The following WHRN variants were observed in gnomAD, a reference collection of about 807,000 sequenced individuals.
WHRN encodes the protein whirlin, also known as CASK-interacting protein CIP98.
Under a neutral mutation model 68.3 loss-of-function variants are expected in WHRN, and 41 were observed. The observed-to-expected ratio is 0.60, with a 90% CI of 0.47 to 0.78. WHRN has a LOEUF of 0.78. Ranked by LOEUF, WHRN falls within the 30% of genes least tolerant of loss-of-function variation. The probability of loss-of-function intolerance (pLI) is 0.00; values close to 1 mark genes in which losing one functional copy is unlikely to be tolerated. For synonymous variants in WHRN, 560 were observed against 561.3 expected (o/e 1.00, Z 0.03); for missense variants, 1,243 against 1,244.7 (o/e 1.00, Z 0.02).
chr9:114,409,370 G>A (rs1011488554), intron 7 of WHRN, among the ~76,000 whole-genome samples: 1 of 152,212 alleles, frequency 6.6e-6, no homozygotes, highest in Non-Finnish European at 1.5e-5. Context: ...GCAATCGGGG[G>A]AGGGGTTACC....
intron 3 of WHRN, among the ~76,000 whole-genome samples, chr9:114,438,252 A>G (rs766163): frequency 0.19 from 28,550 of 151,928 alleles, 3,179 homozygotes; most frequent in Middle Eastern, 0.29. Flanking sequence ...TGAGTGAGAC[A>G]GATTGAGATC....
chr9:114,423,594 C>A (rs1337453642), intron 6 of WHRN, 71 bp from the exon 7 acceptor site: 2 of 1,450,224 alleles, frequency 1.4e-6, no homozygotes, highest in Non-Finnish European at 1.9e-6. Flanking sequence ...CCCTGCTACC[C>A]CCAAAGGACT....
chr9:114,432,160 G>C (rs1405531202), intron 3 of WHRN, among the ~76,000 whole-genome samples: 1 of 152,196 alleles, frequency 6.6e-6, no homozygotes. Flanking sequence ...GCAGAGGAAA[G>C]ACTCCTCCAT....
chr9:114,497,251 G>A (rs1389932470), intron 1 of WHRN, among the ~76,000 whole-genome samples: 3 of 152,136 alleles, frequency 2.0e-5, no homozygotes, highest in Admixed American at 6.5e-5. Context: ...CTGATATTAG[G>A]AAACTCAGGT....
chr9:114,501,089 C>T (rs1843881717), intron 1 of WHRN, among the ~76,000 whole-genome samples: 1 of 152,188 alleles, frequency 6.6e-6, no homozygotes, highest in African/African-American at 2.4e-5. Context: ...CACCCTGGAA[C>T]CCAGAGAGGG....
At chr9:114,474,114 T>C (rs1251257964) in intron 2 of WHRN, among the ~76,000 whole-genome samples, 6 of 152,036 alleles carry the variant, frequency 3.9e-5, no homozygotes, top group Non-Finnish European at 8.8e-5. Flanking sequence ...AAGAAATGAG[T>C]TCACCCCACT....
rs546129264 is a variant in WHRN, at chr9:114,466,142, G to C, written c.963+125C>G. 3.4e-6 allele frequency: 5 copies of C among 1,471,664 alleles called. No individual in the cohort carries two copies. In the African/African-American group the frequency reaches 5.5e-5, roughly 16 times the overall value. 91.2% of individuals were successfully genotyped at this position (1,471,664 alleles called of 1,614,324 possible). ...GTGAATTTAGAGGTACAGCAGCCAG[G>C]GAGGGCTCCCCAGCTGGGACCAGTC... On this transcript the variant is annotated intron_variant, in intron 3 of 11. Transcript: ENST00000362057.
At chr9:114,448,975 G>A (rs1839075141) in intron 3 of WHRN, among the ~76,000 whole-genome samples, 1 of 152,168 alleles carries the variant, frequency 6.6e-6, no homozygotes. Context: ...ATCATAACTG[G>A]CACTGGAAAA....
rs143824095 is a variant in WHRN, at chr9:114,498,538, G to C, written c.618+5646C>G. 5.7e-3 allele frequency among the ~76,000 whole-genome samples: 868 copies of C among 152,240 alleles called. 7 individuals carry two copies. The highest frequency in any genetic ancestry group is 0.01 in the Middle Eastern group (3 of 294). On this transcript the variant is annotated intron_variant, in intron 1 of 11. Coordinates refer to ENST00000362057, the MANE Select transcript of WHRN (RefSeq NM_015404.4). ...GTAAGCACTGCTCAGAGAATGTATG[G>C]ATGCATGTCTCTACTCGACGATGGA...
chr9:114,481,326 A>G (rs902096304), intron 1 of WHRN, among the ~76,000 whole-genome samples: 1 of 152,212 alleles, frequency 6.6e-6, no homozygotes, highest in Admixed American at 6.5e-5. Flanking sequence ...CGTCTCTCCA[A>G]AATTCTGCTT....
chr9:114,422,706 G>A (rs1836413779), intron 7 of WHRN, among the ~76,000 whole-genome samples: 1 of 152,176 alleles, frequency 6.6e-6, no homozygotes, highest in South Asian at 2.1e-4. Context: ...ATGGTGGTAG[G>A]CACCTGTAAT....
At chr9:114,457,808 C>T (rs775651306) in intron 3 of WHRN, among the ~76,000 whole-genome samples, 19 of 151,430 alleles carry the variant, frequency 1.3e-4, no homozygotes, top group Admixed American at 7.9e-4. Flanking sequence ...CCCAGCTACT[C>T]GGGAGGCTGA....
chr9:114,407,732 A>G (rs1835140443), intron 8 of WHRN, among the ~76,000 whole-genome samples: 1 of 152,162 alleles, frequency 6.6e-6, no homozygotes, highest in African/African-American at 2.4e-5. Context: ...CCCCGCCTGA[A>G]GTCACCAGAG....
At chr9:114,440,574 C>A (rs1340159447) in intron 3 of WHRN, among the ~76,000 whole-genome samples, 4 of 152,180 alleles carry the variant, frequency 2.6e-5, no homozygotes, top group African/African-American at 9.7e-5. Flanking sequence ...CTTACATACA[C>A]AAACCCTTGC....
rs575602438 is a variant in WHRN at position 114,428,810 on chromosome 9, C to T, written c.964-2397G>A. On this transcript the variant is annotated intron_variant, in intron 3 of 11. Transcript: ENST00000362057. ...AGCAGATCCTTCAGCAAATCCCGTC[C>T]TCCACCCCCATCAGCCCCCTGACCT... Among the ~76,000 whole-genome samples, 424 of 152,068 alleles carry T rather than the reference C, an allele frequency of 2.8e-3. 4 individuals carry two copies. The highest frequency in any genetic ancestry group is 9.6e-3 in the African/African-American group (398 of 41,356).
chr9:114,415,595 G>A (rs1835761529), intron 7 of WHRN, among the ~76,000 whole-genome samples: 1 of 152,186 alleles, frequency 6.6e-6, no homozygotes, highest in Non-Finnish European at 1.5e-5. Context: ...GCCCATGTAT[G>A]TTCTCACACC....
intron 1 of WHRN, 144 bp downstream of exon 1, chr9:114,504,040 T>G: frequency 1.6e-6 from 2 of 1,251,152 alleles, no homozygotes; most frequent in Non-Finnish European, 1.1e-6. Flanking sequence ...AAGCTATACA[T>G]TCCTGTTTTA....
At chr9:114,433,595 T>A (rs1225125803) in intron 3 of WHRN, among the ~76,000 whole-genome samples, 2 of 152,188 alleles carry the variant, frequency 1.3e-5, no homozygotes, top group African/African-American at 4.8e-5. Flanking sequence ...AATGGGCTGT[T>A]TTTTTTTCTT....
intron 2 of WHRN, among the ~76,000 whole-genome samples, chr9:114,476,706 C>G (rs765982055): frequency 6.6e-6 from 1 of 152,130 alleles, no homozygotes; most frequent in Non-Finnish European, 1.5e-5. Context: ...TCGTCAAGCA[C>G]CCAGGTGCTC....
Sources: allele counts gnomAD v4.1 joint callset (sites outside exome capture counted in the v4.1 genomes callset), GRCh38; gene constraint gnomAD v4.1.1; transcripts MANE v1.5; gene names NCBI Gene and HGNC (gene_info 2026-07-23, HGNC 2026-07-21).